Variants in TULP4 observed in about 807,000 individuals in gnomAD.
The protein encoded by TULP4 is TUB like protein 4, also known as tubby-related protein 4.
TULP4 carries 16 observed loss-of-function variants against 129.0 expected under a neutral mutation model. The ratio of observed to expected loss-of-function variants is 0.12; its 90% confidence interval spans 0.08 to 0.19. The LOEUF (loss-of-function observed/expected upper bound fraction) is 0.19. Among genes scored for constraint, TULP4 ranks in the 10% least tolerant of loss-of-function variants. The probability of loss-of-function intolerance (pLI) is 1.00; values close to 1 mark genes in which losing one functional copy is unlikely to be tolerated. For synonymous variants in TULP4, 998 were observed against 854.0 expected, an observed-to-expected ratio of 1.17 and a Z score of -2.94; for missense variants, 1,842 against 2,059.1, an observed-to-expected ratio of 0.89 and a Z score of 2.04.
At chr6:158,473,397 G>A (rs1313407967) in intron 6 of TULP4, among the ~76,000 whole-genome samples, 1 of 152,148 alleles carries the variant, frequency 6.6e-6, no homozygotes, top group Non-Finnish European at 1.5e-5. Context: ...TTGACCGAAC[G>A]CTGAACTAGC....
chr6:158,491,424 TC>T (rs1562589103), intron 9 of TULP4, among the ~76,000 whole-genome samples: 64,815 of 117,906 alleles, frequency 0.55, 15,217 homozygotes, highest in African/African-American at 0.66. Context: ...TTTCTTTCTT[TC>T]TTTCTTTCTT....
At position 158,303,373 on chromosome 6, in the gene TULP4, G is replaced by A. The variant is rs141154830; in HGVS notation, n.117-8678G>A. Among the ~76,000 whole-genome samples the A allele has an allele frequency of 2.7e-3, 413 of 152,158 alleles. 8 individuals carry two copies. The highest frequency in any genetic ancestry group is 0.024 in the Admixed American group (366 of 15,282). ...ACATGTCGGTAGGACCGTGATGCCC[G>A]CCTGAGCCTCAAACCAGCAAGTTTT... On this transcript the variant is annotated intron_variant and non_coding_transcript_variant, in intron 1 of 1. Transcript: ENST00000432358.
At chr6:158,252,167 A>G (rs906423706) in intron 1 of TULP4, among the ~76,000 whole-genome samples, 8 of 152,174 alleles carry the variant, frequency 5.3e-5, no homozygotes, top group African/African-American at 1.4e-4. Context: ...TCTTAGGTGT[A>G]TAAGTATTTT....
intron 1 of TULP4, among the ~76,000 whole-genome samples, chr6:158,301,626 A>C (rs2128476149): frequency 6.6e-6 from 1 of 152,368 alleles, no homozygotes; most frequent in East Asian, 1.9e-4. Context: ...AGAATGAGGA[A>C]GAAAACACCA....
rs749127307 is a variant in TULP4 at position 158,481,308 on chromosome 6, G to A, written c.1486+19G>A. On this transcript the variant is annotated intron_variant, in intron 8 of 13. Coordinates refer to ENST00000367097, the MANE Select transcript of TULP4 (RefSeq NM_020245.5). ...AAACCAGGTGGGCCCCTCACCCGAG[G>A]GACTGGGACCTTGTTCTCCTGTGGT... is the stretch of plus-strand genomic sequence containing the variant. 6.9e-6 allele frequency: 11 copies of A among 1,602,946 alleles called. No homozygotes were observed. Among genetic ancestry groups the A allele is most frequent in the South Asian group, 2.2e-5 (2 of 89,826 alleles).
chr6:158,466,316 T>G (rs748414812), intron 6 of TULP4, among the ~76,000 whole-genome samples: 43 of 152,240 alleles, frequency 2.8e-4, no homozygotes, highest in Non-Finnish European at 3.1e-4. Context: ...ATTTTACATT[T>G]TCACTAACAT....
At chr6:158,432,134 G>T (rs1427674394) in intron 3 of TULP4, among the ~76,000 whole-genome samples, 1 of 149,144 alleles carries the variant, frequency 6.7e-6, no homozygotes, top group African/African-American at 2.5e-5. Flanking sequence ...AAAAGGATTT[G>T]CAGGTCACTG....
At chr6:158,418,399 C>CTTT (rs772179433) in intron 2 of TULP4, among the ~76,000 whole-genome samples, 6 of 127,484 alleles carry the variant, frequency 4.7e-5, no homozygotes, top group Admixed American at 3.1e-4. Context: ...TGAGCCACCA[C>CTTT]TTTTTTTTTT....
At chr6:158,261,995 A>C (rs1207863157) in intron 1 of TULP4, among the ~76,000 whole-genome samples, 2 of 152,190 alleles carry the variant, frequency 1.3e-5, no homozygotes, top group Admixed American at 1.3e-4. Flanking sequence ...CATCAGCAAC[A>C]ACTACATGTG....
intron 1 of TULP4, among the ~76,000 whole-genome samples, chr6:158,397,633 G>T (rs1777748705): frequency 6.6e-6 from 1 of 152,006 alleles, no homozygotes; most frequent in African/African-American, 2.4e-5. Context: ...TCTTCTTCCA[G>T]TGTGGCCCAG....
chr6:158,236,820 TTTTTTTTTTTTGA>T (rs1777718333), intron 1 of TULP4, among the ~76,000 whole-genome samples: 1 of 94,190 alleles, frequency 1.1e-5, no homozygotes, highest in African/African-American at 3.5e-5. Flanking sequence ...TTTTTTTTTT[TTTTTTTTTTTTGA>T]GATAGGGTCT....
chr6:158,310,824 G>C (rs1174248194), upstream of TULP4, among the ~76,000 whole-genome samples: 1 of 152,174 alleles, frequency 6.6e-6, no homozygotes, highest in Non-Finnish European at 1.5e-5. Context: ...TGCTTCAGTA[G>C]TCCACAGAAG....
chr6:158,504,705 G>A (rs1264299721), intron 13 of TULP4, among the ~76,000 whole-genome samples: 1 of 151,578 alleles, frequency 6.6e-6, no homozygotes, highest in African/African-American at 2.4e-5. Context: ...TGTCTAGATT[G>A]GTCTCAAACT....
intron 2 of TULP4, among the ~76,000 whole-genome samples, chr6:158,421,188 T>C (rs2779089): frequency 0.91 from 137,950 of 152,034 alleles, 62,618 homozygotes; most frequent in Admixed American, 0.94. Context: ...GGTGAAACCC[T>C]GTGTCTACTA....
rs1353393243 is a variant in TULP4, at chr6:158,511,479, G to A, written c.*4785G>A. 1.3e-5 allele frequency: 2 copies of A among 151,746 alleles called. No homozygotes were observed. The highest frequency in any genetic ancestry group is 2.9e-5 in the Non-Finnish European group (2 of 67,970). The allele number at this position is 151,746 out of a possible 1,614,324, so 9.4% of individuals were successfully genotyped here. ...ACCAGCATGTTCATGTCCAGACCTC[G>A]GCAGTGGCGTGCACTGCTTGTGCAC... On this transcript the variant is annotated 3_prime_UTR_variant, in exon 14 of 14. Transcript: ENST00000367097.
intron 1 of TULP4, among the ~76,000 whole-genome samples, chr6:158,405,127 A>T (rs934902774): frequency 2.6e-4 from 39 of 152,342 alleles, no homozygotes; most frequent in African/African-American, 8.2e-4. Context: ...TGTAAAAATG[A>T]CTTAAACTTA....
At chr6:158,447,277 C>G (rs562428944) in intron 3 of TULP4, among the ~76,000 whole-genome samples, 2 of 152,262 alleles carry the variant, frequency 1.3e-5, no homozygotes, top group African/African-American at 4.8e-5. Context: ...GACATGCTAT[C>G]AGATAGTAAT....
At chr6:158,356,124 A>G (rs557000951) in intron 1 of TULP4, among the ~76,000 whole-genome samples, 1 of 152,370 alleles carries the variant, frequency 6.6e-6, no homozygotes, top group South Asian at 2.1e-4. Context: ...AATAAAGTTA[A>G]TTTTTAAAAT....
intron 3 of TULP4, among the ~76,000 whole-genome samples, chr6:158,430,611 G>A (rs369545868): frequency 2.6e-5 from 4 of 152,258 alleles, no homozygotes; most frequent in African/African-American, 9.6e-5. Flanking sequence ...AGCCAGGCAT[G>A]ATGGCGGGCG....
Sources: gnomAD v4.1 joint callset for allele counts (sites outside exome capture counted in the v4.1 genomes callset) on GRCh38, gnomAD v4.1.1 for gene constraint, MANE v1.5 for transcripts, NCBI Gene and HGNC (gene_info 2026-07-23, HGNC 2026-07-21) for gene names.